Variants in PPDPFL observed in about 807,000 individuals in gnomAD.
The protein encoded by PPDPFL is pancreatic progenitor cell differentiation and proliferation factor like.
A neutral mutation model predicts 12.6 loss-of-function variants in PPDPFL; 12 were observed. The observed-to-expected ratio is 0.95, with a 90% confidence interval of 0.61 to 1.54. The LOEUF is 1.54. PPDPFL is among the 40% of genes most tolerant of loss of function. The pLI, the probability that PPDPFL is intolerant of heterozygous loss-of-function variation, is 0.00. For missense variants in PPDPFL, 114 were observed against 96.0 expected, an observed-to-expected ratio of 1.19 and a Z score of -0.78; for synonymous variants, 24 against 32.7, an observed-to-expected ratio of 0.73 and a Z score of 0.91.
chr8:49,069,889 C>T (rs1407463646), upstream of PPDPFL, among the ~76,000 whole-genome samples: 3 of 152,206 alleles, frequency 2.0e-5, no homozygotes, highest in East Asian at 3.9e-4. Flanking sequence ...GAGCCGAGAT[C>T]GCCCACTGCA....
chr8:49,068,634 C>T (rs1808335088), upstream of PPDPFL, among the ~76,000 whole-genome samples: 1 of 151,990 alleles, frequency 6.6e-6, no homozygotes, highest in Admixed American at 6.6e-5. Context: ...CATATACATA[C>T]ATATGTATGT....
Position 49,075,715 on chromosome 8 carries a change from T to G in PPDPFL, c.*542T>G, listed in dbSNP as rs915590342. The G allele has an allele frequency of 2.4e-5, 4 of 170,148 alleles. No individual in the cohort carries two copies. The highest frequency in any genetic ancestry group is 9.6e-5 in the African/African-American group (4 of 41,726). 10.5% of individuals were successfully genotyped at this position (170,148 alleles called of 1,614,324 possible). A position where few individuals can be genotyped will look rare whatever the true frequency, so the allele number is the denominator to read the frequency against. ...AATTTTAGAAAATAATTGTAAAAAT[T>G]CAATTTTTTTAAAAGAATGAAGGTT... is the stretch of plus-strand genomic sequence containing the variant. On this transcript the variant is annotated 3_prime_UTR_variant, in exon 5 of 5. Coordinates refer to ENST00000522267, the MANE Select transcript of PPDPFL (RefSeq NM_001256597.2).
At chr8:49,055,079 T>C (rs1402368834) in intron 1 of PPDPFL, among the ~76,000 whole-genome samples, 1 of 152,178 alleles carries the variant, frequency 6.6e-6, no homozygotes, top group African/African-American at 2.4e-5. Flanking sequence ...AATGTGCACA[T>C]TTCTTTATAC....
chr8:49,075,983 A>G lies in PPDPFL; in HGVS notation c.*810A>G, dbSNP rs1170920168. 1 of 152,172 alleles carries G rather than the reference A, an allele frequency of 6.6e-6. No homozygotes were observed. Among genetic ancestry groups the G allele is most frequent in the African/African-American group, 2.4e-5 (1 of 41,454 alleles). The allele number at this position is 152,172 out of a possible 1,614,324, so 9.4% of individuals were successfully genotyped here. ...CAGGGCTATTTCTGGAGATGGGATT[A>G]TGGGCGTTTTTCATTCTCTTTTTAA... On this transcript the variant is annotated 3_prime_UTR_variant, in exon 5 of 5. Coordinates refer to ENST00000522267, the MANE Select transcript of PPDPFL (RefSeq NM_001256597.2).
At chr8:49,063,120 C>A (rs919832456) in intron 1 of PPDPFL, among the ~76,000 whole-genome samples, 1 of 152,282 alleles carries the variant, frequency 6.6e-6, no homozygotes, top group South Asian at 2.1e-4. Flanking sequence ...TCATGACATG[C>A]TTGTTAGGGC....
At chr8:49,054,915 C>T (rs1045119343) in intron 1 of PPDPFL, among the ~76,000 whole-genome samples, 2 of 152,028 alleles carry the variant, frequency 1.3e-5, no homozygotes, top group Non-Finnish European at 2.9e-5. Flanking sequence ...CCAATATATT[C>T]TTTAAATTTT....
intron 1 of PPDPFL, among the ~76,000 whole-genome samples, chr8:49,065,043 G>A (rs924397319): frequency 4.6e-5 from 7 of 152,178 alleles, no homozygotes; most frequent in Non-Finnish European, 8.8e-5. Flanking sequence ...CTCACTGGGT[G>A]TAGGATTTGC....
chr8:49,067,208 C>T (rs1808313535), intron 1 of PPDPFL, among the ~76,000 whole-genome samples: 1 of 152,092 alleles, frequency 6.6e-6, no homozygotes, highest in African/African-American at 2.4e-5. Context: ...TGTGGAGGCC[C>T]AGAGATAGTC....
At chr8:49,063,549 G>A (rs997777051) in intron 1 of PPDPFL, among the ~76,000 whole-genome samples, 1 of 151,972 alleles carries the variant, frequency 6.6e-6, no homozygotes, top group African/African-American at 2.4e-5. Context: ...ATAAAACCCT[G>A]TCTCTACAAA....
At chr8:49,065,822 C>A (rs1191518415) in intron 1 of PPDPFL, among the ~76,000 whole-genome samples, 1 of 152,148 alleles carries the variant, frequency 6.6e-6, no homozygotes, top group Non-Finnish European at 1.5e-5. Context: ...CATCTGAAGA[C>A]CTATTTTGGG....
chr8:49,063,105 T>C (rs762893633), intron 1 of PPDPFL, among the ~76,000 whole-genome samples: 1 of 152,210 alleles, frequency 6.6e-6, no homozygotes, highest in African/African-American at 2.4e-5. Context: ...GGGTCAGAAA[T>C]GTCATCATGA....
chr8:49,055,205 TAA>T (rs1491213856), intron 1 of PPDPFL, among the ~76,000 whole-genome samples: 47,249 of 147,374 alleles, frequency 0.32, 7,753 homozygotes, highest in Non-Finnish European at 0.36. Flanking sequence ...CTCCTGCTCC[TAA>T]TTGCTACAGT....
chr8:49,065,926 T>C (rs934870843), intron 1 of PPDPFL, among the ~76,000 whole-genome samples: 1 of 152,240 alleles, frequency 6.6e-6, no homozygotes, highest in African/African-American at 2.4e-5. Flanking sequence ...AAGAACATGA[T>C]ACGGCCTAGA....
Position 49,073,919 on chromosome 8 carries a change from C to G in PPDPFL, c.56-140C>G, listed in dbSNP as rs1019082048. 2.6e-5 allele frequency: 16 copies of G among 622,136 alleles called. No homozygotes were observed. In the Admixed American group the frequency reaches 4.9e-4, roughly 19 times the overall value. The allele number at this position is 622,136 out of a possible 1,614,324, so 38.5% of individuals were successfully genotyped here. A position where few individuals can be genotyped will look rare whatever the true frequency, so the allele number is the denominator to read the frequency against. On this transcript the variant is annotated intron_variant, in intron 2 of 4. Coordinates refer to ENST00000522267, the MANE Select transcript of PPDPFL (RefSeq NM_001256597.2). Reference sequence around the variant, plus strand: ...GCTTTCTATTGATTGGTAATTTGATCAGTTTTTCAATTCATGAATTCACAA... The same window carrying G: ...GCTTTCTATTGATTGGTAATTTGATGAGTTTTTCAATTCATGAATTCACAA...
chr8:49,068,847 T>G (rs1808338473), upstream of PPDPFL, among the ~76,000 whole-genome samples: 1 of 152,172 alleles, frequency 6.6e-6, no homozygotes, highest in African/African-American at 2.4e-5. Flanking sequence ...AAAAATTATG[T>G]AGAAAGATCT....
At chr8:49,067,416 T>G (rs184463712), upstream of PPDPFL, among the ~76,000 whole-genome samples, 2 of 152,360 alleles carry the variant, frequency 1.3e-5, no homozygotes, top group East Asian at 3.9e-4. Flanking sequence ...CTTGACATCT[T>G]ACATGGACAA....
intron 1 of PPDPFL, among the ~76,000 whole-genome samples, chr8:49,058,826 C>A (rs143451681): frequency 6.6e-6 from 1 of 152,200 alleles, no homozygotes; most frequent in East Asian, 1.9e-4. Flanking sequence ...CATTGTGCAT[C>A]TCCTCAGAGG....
chr8:49,070,892 A>G (rs1808374191), upstream of PPDPFL, among the ~76,000 whole-genome samples: 1 of 152,108 alleles, frequency 6.6e-6, no homozygotes. Context: ...GTGTGTTAAG[A>G]GCACCTGAAA....
chr8:49,063,867 CA>C (rs1356509456), intron 1 of PPDPFL, among the ~76,000 whole-genome samples: 1 of 152,190 alleles, frequency 6.6e-6, no homozygotes, highest in African/African-American at 2.4e-5. Flanking sequence ...TCAGGTGTCA[CA>C]AGCTTCTAGG....
Sources: gnomAD v4.1 joint callset for allele counts (sites outside exome capture counted in the v4.1 genomes callset) on GRCh38, gnomAD v4.1.1 for gene constraint, MANE v1.5 for transcripts, NCBI Gene and HGNC (gene_info 2026-07-23, HGNC 2026-07-21) for gene names.